The following ATP9B variants were observed in gnomAD, a reference collection of about 807,000 sequenced individuals.
ATP9B encodes the protein ATPase phospholipid transporting 9B.
In ATP9B, 110 loss-of-function variants were observed where a neutral mutation model predicts 146.1. The ratio of observed to expected loss-of-function variants is 0.75; its 90% CI spans 0.65 to 0.88. ATP9B has a LOEUF of 0.88. Ranked by LOEUF, ATP9B falls within the 40% of genes least tolerant of loss-of-function variation. ATP9B has a pLI of 0.00. For missense variants in ATP9B, 1,499 were observed against 1,496.4 expected (o/e 1.00, Z -0.03); for synonymous variants, 604 against 569.7 (o/e 1.06, Z -0.86).
intron 15 of ATP9B, among the ~76,000 whole-genome samples, chr18:79,311,869 C>T (rs945687793): frequency 2.6e-5 from 4 of 152,200 alleles, no homozygotes; most frequent in African/African-American, 7.2e-5. Context: ...ACGTTCCTCT[C>T]TGTCACCATC....
chr18:79,174,271 TC>T, intron 7 of ATP9B: 1 of 289,090 alleles, frequency 3.5e-6, no homozygotes. Context: ...GTCACCATCG[TC>T]CCCTGGAAGA....
intron 2 of ATP9B, among the ~76,000 whole-genome samples, chr18:79,100,556 T>G (rs1453369234): frequency 2.6e-5 from 4 of 152,238 alleles, no homozygotes; most frequent in Admixed American, 6.5e-5. Flanking sequence ...GATTAATGTT[T>G]GCATGGTATA....
intron 20 of ATP9B, chr18:79,344,002 C>T: frequency 3.8e-6 from 2 of 529,408 alleles, no homozygotes; most frequent in Non-Finnish European, 3.4e-6. Context: ...GTGGTGATTC[C>T]ACTGCATTCC....
chr18:79,273,910 C>T (rs114066576), intron 12 of ATP9B, among the ~76,000 whole-genome samples: 244 of 152,342 alleles, frequency 1.6e-3, no homozygotes, highest in African/African-American at 5.7e-3. Context: ...TATCTTCCTA[C>T]TCCTAACATT....
At position 79,336,630 on chromosome 18, in the gene ATP9B, C is replaced by T. The variant is rs150586840; in HGVS notation, c.2031C>T (p.Cys677=). 8.1e-6 allele frequency: 13 copies of T among 1,613,656 alleles called. No individual in the cohort carries two copies. Among genetic ancestry groups the T allele is most frequent in the African/African-American group, 8.0e-5 (6 of 74,908 alleles). ...VQYNDWLEEE[C]GNMAREGLRT... is the part of the protein sequence containing the mutation. ...TGACTCGGCCTCTCCTTTTCCAGTG[C>T]GGAAACATGGCTCGCGAAGGACTGC... Residue 677 remains cysteine, a splice_region_variant and synonymous_variant, in exon 18 of 30, where the codon TGC becomes TGT. Transcript: ENST00000426216.
chr18:79,212,938 T>TC (rs2095597307), intron 10 of ATP9B, among the ~76,000 whole-genome samples: 1 of 152,152 alleles, frequency 6.6e-6, no homozygotes, highest in Non-Finnish European at 1.5e-5. Context: ...CTTCACATCT[T>TC]CCACCTTCCT....
chr18:79,163,863 ATTTT>A (rs1568309437), intron 7 of ATP9B, among the ~76,000 whole-genome samples: 1 of 92,416 alleles, frequency 1.1e-5, no homozygotes. Flanking sequence ...TTCATATTTT[ATTTT>A]ATACACACAC....
Position 79,330,096 on chromosome 18 carries a change from G to C in ATP9B, c.2020G>C (p.Glu674Gln). 6.2e-7 allele frequency: 1 copy of C among 1,613,962 alleles called. No individual in the cohort carries two copies. The highest frequency in any genetic ancestry group is 8.5e-7 in the Non-Finnish European group (1 of 1,179,818). ...SPIVQYNDWL[E>Q]EECGNMAREG... ...TATCGTGCAGTATAATGACTGGCTG[G>C]AAGAGGAGGTATGTGAGTGACTCTA... is the stretch of plus-strand genomic sequence containing the variant. Residue 674 changes from glutamate (E) to glutamine (Q), a missense_variant, in exon 17 of 30, where the codon GAA (glutamate) becomes CAA (glutamine). By Grantham distance (29) the Glu-to-Gln change is conservative. Coordinates refer to ENST00000426216, the MANE Select transcript of ATP9B (RefSeq NM_198531.5).
chr18:79,071,049 C>CTTTTTTCTTTTTTTT (rs1555723402), intron 1 of ATP9B, among the ~76,000 whole-genome samples: 1 of 112,394 alleles, frequency 8.9e-6, no homozygotes, highest in African/African-American at 3.5e-5. Flanking sequence ...ATTCCTGTTT[C>CTTTTTTCTTTTTTTT]TTTTTTTTTT....
Position 79,069,518 on chromosome 18 carries a change from C to G in ATP9B, c.108C>G (p.Asp36Glu). Residue 36 changes from aspartate to glutamate, a missense_variant, in exon 1 of 30, where the codon GAC (aspartate) becomes GAG (glutamate). Asp to Glu is a conservative substitution (Grantham distance 45). Coordinates refer to ENST00000426216, the MANE Select transcript of ATP9B (RefSeq NM_198531.5). ...YSAAGPRPGADRHSRYQLEDE... is the reference protein window; with the variant it reads ...YSAAGPRPGAERHSRYQLEDE... ...CCGCGGGGCCCAGGCCGGGAGCCGA[C>G]CGGCACAGCAGGTAACCGAGGCGGC... 2 of 1,421,680 alleles carry G rather than the reference C, an allele frequency of 1.4e-6. No individual in the cohort carries two copies. The highest frequency in any genetic ancestry group is 1.8e-6 in the Non-Finnish European group (2 of 1,085,862). 88.1% of individuals were successfully genotyped at this position (1,421,680 alleles called of 1,614,324 possible).
At chr18:79,178,769 G>T (rs1465179164) in intron 8 of ATP9B, among the ~76,000 whole-genome samples, 1 of 152,116 alleles carries the variant, frequency 6.6e-6, no homozygotes, top group East Asian at 1.9e-4. Context: ...TTGATATGCT[G>T]ATATTTTGTT....
chr18:79,351,095 TTTGCACAGTAATACTGA>T (rs2096920051), intron 25 of ATP9B, among the ~76,000 whole-genome samples: 1 of 152,228 alleles, frequency 6.6e-6, no homozygotes, highest in Non-Finnish European at 1.5e-5. Flanking sequence ...TAGTACAGAA[TTTGCACAGTAATACTGA>T]TTGCATCTTG....
chr18:79,268,004 T>C (rs1447477272), intron 12 of ATP9B, among the ~76,000 whole-genome samples: 1 of 152,156 alleles, frequency 6.6e-6, no homozygotes, highest in African/African-American at 2.4e-5. Context: ...ATTTTTAGTA[T>C]TTTATGTTTT....
intron 15 of ATP9B, among the ~76,000 whole-genome samples, chr18:79,315,712 A>G (rs2096675687): frequency 6.6e-6 from 1 of 152,212 alleles, no homozygotes; most frequent in Non-Finnish European, 1.5e-5. Flanking sequence ...ATTCTCTCAT[A>G]TGATATTACT....
intron 6 of ATP9B, among the ~76,000 whole-genome samples, chr18:79,144,579 C>T (rs1037297961): frequency 2.8e-4 from 43 of 152,206 alleles, no homozygotes; most frequent in African/African-American, 9.6e-4. Flanking sequence ...AGGTCATGCT[C>T]GCTTGCCCTC....
At chr18:79,139,661 G>A (rs556542632) in intron 5 of ATP9B, among the ~76,000 whole-genome samples, 1 of 152,256 alleles carries the variant, frequency 6.6e-6, no homozygotes, top group African/African-American at 2.4e-5. Context: ...CCTCAAGCAG[G>A]TATCCTTTGT....
rs1002334181 is a variant in ATP9B at position 79,346,015 on chromosome 18, C to T, written c.2682+176C>T. Among the ~76,000 whole-genome samples the T allele has an allele frequency of 3.9e-5, 6 of 152,194 alleles. No homozygotes were observed. The East Asian group carries it at 9.7e-4, about 25-fold the overall frequency. ...CATGCTTGGTCAACACACATCAGCA[C>T]GTGCTCAGCGCACAGTCAGCACACA... is the stretch of plus-strand genomic sequence containing the variant. On this transcript the variant is annotated intron_variant, in intron 23 of 29. Transcript: ENST00000426216.
At chr18:79,248,692 C>T (rs956209005) in intron 11 of ATP9B, among the ~76,000 whole-genome samples, 1 of 152,166 alleles carries the variant, frequency 6.6e-6, no homozygotes, top group Non-Finnish European at 1.5e-5. Context: ...GTCCTATATT[C>T]ACAGGGAAAC....
At chr18:79,269,567 G>A (rs2096236213) in intron 12 of ATP9B, among the ~76,000 whole-genome samples, 2 of 151,994 alleles carry the variant, frequency 1.3e-5, no homozygotes, top group Non-Finnish European at 2.9e-5. Context: ...ATCTTTTTAT[G>A]TTGTATTTTG....
Sources: allele counts gnomAD v4.1 joint callset (sites outside exome capture counted in the v4.1 genomes callset), GRCh38; gene constraint gnomAD v4.1.1; transcripts MANE v1.5; gene names NCBI Gene and HGNC (gene_info 2026-07-23, HGNC 2026-07-21).